The following RASGRP3 variants were observed in gnomAD, a reference collection of about 807,000 sequenced individuals.
The protein encoded by RASGRP3 is RAS guanyl releasing protein 3, also known as ras guanyl-releasing protein 3.
Under a neutral mutation model 82.7 loss-of-function variants are expected in RASGRP3, and 54 were observed. The ratio of observed to expected loss-of-function variants is 0.65; its 90% CI spans 0.52 to 0.82. The LOEUF (loss-of-function observed/expected upper bound fraction) is 0.82. Among genes scored for constraint, RASGRP3 ranks in the 40% least tolerant of loss-of-function variants. The pLI is 0.00. For synonymous variants in RASGRP3, 309 were observed against 300.5 expected (o/e 1.03, Z -0.29); for missense variants, 861 against 828.9 (o/e 1.04, Z -0.48).
chr2:33,474,647 G>C (rs2150922032), upstream of RASGRP3, among the ~76,000 whole-genome samples: 1 of 152,238 alleles, frequency 6.6e-6, no homozygotes, highest in East Asian at 1.9e-4. Context: ...AGTGCCCCCT[G>C]TCTGTCTTGC....
chr2:33,476,291 G>T (rs982836206), upstream of RASGRP3: 3 of 152,272 alleles, frequency 2.0e-5, no homozygotes, highest in Non-Finnish European at 4.4e-5. Flanking sequence ...GAGAGCCCCA[G>T]TGAAACTTGA....
At chr2:33,499,423 G>A (rs935179638) in intron 1 of RASGRP3, among the ~76,000 whole-genome samples, 1 of 152,048 alleles carries the variant, frequency 6.6e-6, no homozygotes, top group Non-Finnish European at 1.5e-5. Context: ...GCTGGGTGTG[G>A]TGGTGCGCAC....
chr2:33,548,968 C>T (rs899551925), intron 13 of RASGRP3, among the ~76,000 whole-genome samples: 2 of 152,138 alleles, frequency 1.3e-5, no homozygotes, highest in East Asian at 3.8e-4. Flanking sequence ...GGATTACAGG[C>T]ATGAGCCACC....
At chr2:33,439,530 T>C (rs1490049062) in intron 1 of RASGRP3, among the ~76,000 whole-genome samples, 4 of 152,220 alleles carry the variant, frequency 2.6e-5, no homozygotes. Context: ...CAACAAACAC[T>C]TTTTTAGTCT....
rs185289689 is a variant in RASGRP3, at chr2:33,503,526, G to T, written c.-260-8184G>T. On this transcript the variant is annotated intron_variant, in intron 1 of 17. Transcript: ENST00000403687. ...GGGAATGACAAAGTTATTAAGTGGA[G>T]CCTTCTAATTATGGGCCTCAAGCTG... 2.0e-4 allele frequency among the ~76,000 whole-genome samples: 31 copies of T among 152,202 alleles called. No individual in the cohort carries two copies. The East Asian group carries it at 6.0e-3, about 29-fold the overall frequency.
chr2:33,520,470 G>A, intron 5 of RASGRP3, 83 bp from the exon 6 acceptor site: 1 of 1,537,988 alleles, frequency 6.5e-7, no homozygotes, highest in Non-Finnish European at 8.9e-7. Context: ...GGTGTTAAAT[G>A]TAGTCTGTAA....
intron 2 of RASGRP3, among the ~76,000 whole-genome samples, chr2:33,449,431 T>C (rs988978216): frequency 5.9e-5 from 9 of 152,202 alleles, no homozygotes; most frequent in African/African-American, 2.2e-4. Flanking sequence ...CCATGTTTGA[T>C]GACATACAAC....
intron 17 of RASGRP3, 25 bp from the exon 18 acceptor site, chr2:33,562,704 C>T: frequency 6.2e-7 from 1 of 1,611,964 alleles, no homozygotes; most frequent in Non-Finnish European, 8.5e-7. Context: ...TCCAGCCATG[C>T]AATAGGTTCC....
chr2:33,465,823 A>G (rs751559067), intron 2 of RASGRP3, among the ~76,000 whole-genome samples: 3 of 152,234 alleles, frequency 2.0e-5, no homozygotes, highest in Non-Finnish European at 4.4e-5. Flanking sequence ...TCATTTGCCA[A>G]TCTGATAATC....
rs890547100 is a variant in RASGRP3, at chr2:33,547,460, T to C, written c.1395-2144T>C. 6.8e-5 allele frequency among the ~76,000 whole-genome samples: 10 copies of C among 146,074 alleles called. 1 individual carries two copies. Among genetic ancestry groups the C allele is most frequent in the Non-Finnish European group, 1.5e-4 (10 of 67,486 alleles). On this transcript the variant is annotated intron_variant, in intron 13 of 17. Transcript: ENST00000403687. ...AGGAGGTAAGAAAGGGATCTTAAGT[T>C]CTCAAGCCTGGGGGAAAATTGTGGC... is the stretch of plus-strand genomic sequence containing the variant.
At chr2:33,557,710 GA>G (rs59650410) in intron 15 of RASGRP3, among the ~76,000 whole-genome samples, 7,744 of 129,560 alleles carry the variant, frequency 0.06, 617 homozygotes, top group African/African-American at 0.2. Flanking sequence ...ACTCCATCTC[GA>G]AAAAAAAAAA....
intron 1 of RASGRP3, among the ~76,000 whole-genome samples, chr2:33,442,973 A>T (rs1413878157): frequency 6.6e-6 from 1 of 151,778 alleles, no homozygotes; most frequent in Non-Finnish European, 1.5e-5. Context: ...GTAATCCGGT[A>T]ATCCCACAAC....
intron 2 of RASGRP3, among the ~76,000 whole-genome samples, chr2:33,450,227 A>T (rs1170799466): frequency 1.3e-5 from 2 of 152,212 alleles, no homozygotes; most frequent in African/African-American, 4.8e-5. Flanking sequence ...CTCATATACC[A>T]ATCATTATTT....
intron 4 of RASGRP3, among the ~76,000 whole-genome samples, 157 bp from the exon 5 acceptor site, chr2:33,519,795 G>A (rs1054514633): frequency 2.6e-5 from 4 of 152,136 alleles, no homozygotes; most frequent in African/African-American, 9.7e-5. Flanking sequence ...CAATTGTTCA[G>A]TGTGGAAGTC....
At chr2:33,479,952 G>A (rs939492079) in intron 1 of RASGRP3, among the ~76,000 whole-genome samples, 2 of 151,840 alleles carry the variant, frequency 1.3e-5, no homozygotes, top group Non-Finnish European at 2.9e-5. Context: ...ATGTGTGGAT[G>A]TTTCTGAGGA....
At chr2:33,525,699 CAAAAAAAAAAAA>C (rs1167570668) in intron 9 of RASGRP3, among the ~76,000 whole-genome samples, 11 of 54,410 alleles carry the variant, frequency 2.0e-4, no homozygotes, top group South Asian at 1.1e-3. Context: ...CCTGTCTCTA[CAAAAAAAAAAAA>C]AAAAAAAAAA....
rs75879036 is a variant in RASGRP3 at position 33,454,320 on chromosome 2, T to G, written c.-261+6377T>G. On this transcript the variant is annotated intron_variant, in intron 2 of 18. Coordinates refer to the RASGRP3 transcript ENST00000402538. The stretch of plus-strand genomic sequence containing the variant: ...ATATGACACATCAATGCATCTATAC[T>G]TTTCTCTGTTTGATGTAACCCTGTA... 9.6e-3 allele frequency among the ~76,000 whole-genome samples: 1,459 copies of G among 152,338 alleles called. 19 individuals are homozygous for G. Among genetic ancestry groups the G allele is most frequent in the African/African-American group, 0.034 (1,422 of 41,562 alleles).
intron 1 of RASGRP3, among the ~76,000 whole-genome samples, chr2:33,498,672 TTC>T (rs1669560310): frequency 3.3e-5 from 5 of 152,230 alleles, no homozygotes; most frequent in Admixed American, 3.3e-4. Flanking sequence ...CAGTGCCATT[TTC>T]TCTGTGTGCA....
chr2:33,534,472 C>G lies in RASGRP3; in HGVS notation c.1161+72C>G, dbSNP rs181860980. The G allele has an allele frequency of 3.8e-5, 36 of 959,052 alleles. No individual in the cohort carries two copies. The African/African-American group carries it at 5.2e-4, about 14-fold the overall frequency. The allele number at this position is 959,052 out of a possible 1,614,324, so 59.4% of individuals were successfully genotyped here. On this transcript the variant is annotated intron_variant, in intron 11 of 17. Transcript: ENST00000403687. ...TGTCATGTACAGTAATTGGCTATTA[C>G]AATGCTGCTTTATGTTCTAAAACGG...
Sources: allele counts gnomAD v4.1 joint callset (sites outside exome capture counted in the v4.1 genomes callset), GRCh38; gene constraint gnomAD v4.1.1; transcripts MANE v1.5; gene names NCBI Gene and HGNC (gene_info 2026-07-23, HGNC 2026-07-21).